Variants in PLEKHA7 observed in about 807,000 individuals in gnomAD.
PLEKHA7 encodes pleckstrin homology domain containing A7, also known as pleckstrin homology domain-containing family A member 7.
A neutral mutation model predicts 170.0 loss-of-function variants in PLEKHA7; 104 were observed. The ratio of observed to expected loss-of-function variants is 0.61; its 90% CI spans 0.52 to 0.72. The LOEUF (loss-of-function observed/expected upper bound fraction) is 0.72, where lower values mean the gene tolerates loss of function less well. Ranked by LOEUF, PLEKHA7 falls within the 30% of genes least tolerant of loss-of-function variation. The pLI, the probability that PLEKHA7 is intolerant of heterozygous loss-of-function variation, is 0.00. For synonymous variants in PLEKHA7, 648 were observed against 660.8 expected, an observed-to-expected ratio of 0.98 and a Z score of 0.30; for missense variants, 1,615 against 1,671.7, an observed-to-expected ratio of 0.97 and a Z score of 0.59.
intron 9 of PLEKHA7, among the ~76,000 whole-genome samples, chr11:16,832,358 T>G (rs1851185312): frequency 6.6e-6 from 1 of 152,212 alleles, no homozygotes; most frequent in Admixed American, 6.5e-5. Context: ...GGCCCCAGCA[T>G]TTCTAGCATA....
At chr11:16,807,141 T>G (rs189093276) in intron 13 of PLEKHA7, 1 of 982,612 alleles carries the variant, frequency 1.0e-6, no homozygotes, top group Admixed American at 6.1e-5. Flanking sequence ...CAGATCATCT[T>G]ACGCTTCTCC....
At chr11:16,963,244 A>C (rs191058729) in intron 3 of PLEKHA7, among the ~76,000 whole-genome samples, 64 of 152,284 alleles carry the variant, frequency 4.2e-4, no homozygotes, top group Non-Finnish European at 1.5e-4. Flanking sequence ...TATTTTCTAG[A>C]CTTCAGCATC....
intron 10 of PLEKHA7, among the ~76,000 whole-genome samples, chr11:16,818,562 T>A (rs1483790878): frequency 6.6e-6 from 1 of 152,240 alleles, no homozygotes; most frequent in Non-Finnish European, 1.5e-5. Flanking sequence ...TCACACTGCC[T>A]GTAACTTTTC....
At chr11:16,951,568 G>A (rs1861410331) in intron 3 of PLEKHA7, among the ~76,000 whole-genome samples, 1 of 152,160 alleles carries the variant, frequency 6.6e-6, no homozygotes, top group Non-Finnish European at 1.5e-5. Context: ...ACAAACCCAG[G>A]CAATCTCACT....
chr11:16,881,194 A>G (rs1397626347), intron 3 of PLEKHA7: 1 of 152,212 alleles, frequency 6.6e-6, no homozygotes, highest in Non-Finnish European at 1.5e-5. Context: ...ATGAATCAGA[A>G]TATACCACAG....
At chr11:16,860,971 C>A (rs1177436453) in intron 4 of PLEKHA7, among the ~76,000 whole-genome samples, 5 of 152,170 alleles carry the variant, frequency 3.3e-5, no homozygotes, top group African/African-American at 1.2e-4. Flanking sequence ...ACACTGAAAA[C>A]CATAAAGCAC....
intron 3 of PLEKHA7, among the ~76,000 whole-genome samples, chr11:16,914,860 C>T (rs997462822): frequency 5.3e-5 from 8 of 152,198 alleles, no homozygotes; most frequent in Non-Finnish European, 5.9e-5. Context: ...AGGGCTGGGA[C>T]TAAATGCTTG....
At chr11:16,895,823 AG>A (rs926626424) in intron 3 of PLEKHA7, among the ~76,000 whole-genome samples, 1 of 152,232 alleles carries the variant, frequency 6.6e-6, no homozygotes, top group African/African-American at 2.4e-5. Flanking sequence ...CTCACCTGAA[AG>A]GGGCAAAATC....
At chr11:16,944,336 A>G (rs535690611) in intron 3 of PLEKHA7, among the ~76,000 whole-genome samples, 1 of 150,568 alleles carries the variant, frequency 6.6e-6, no homozygotes, top group South Asian at 2.1e-4. Flanking sequence ...CCTAGGCAAC[A>G]AGAGCAAAAC....
intron 3 of PLEKHA7, among the ~76,000 whole-genome samples, chr11:16,931,759 C>T: frequency 6.9e-6 from 1 of 145,628 alleles, no homozygotes; most frequent in East Asian, 2.0e-4. Flanking sequence ...ATTCCATCCC[C>T]CCCCCCCCAA....
intron 3 of PLEKHA7, among the ~76,000 whole-genome samples, chr11:17,004,003 C>T (rs1333701241): frequency 6.6e-6 from 1 of 152,236 alleles, no homozygotes; most frequent in Non-Finnish European, 1.5e-5. Flanking sequence ...TCTCTCCGCA[C>T]TCCTCTGTCA....
Position 16,794,578 on chromosome 11 carries a change from C to A in PLEKHA7, c.2655G>T (p.Leu885=), listed in dbSNP as rs559966063. The change falls in exon 19 of 27, where the codon CTG becomes CTT. Residue 885 remains leucine, a synonymous_variant. Coordinates refer to ENST00000531066, the MANE Select transcript of PLEKHA7 (RefSeq NM_001329630.2). ...GAGGTCGGTACGGCACGTAGGTTTG[C>A]AGCTGGGGGAAGAGTCGAACCTCCA... is the stretch of plus-strand genomic sequence containing the variant. ...TPLEVRLFPQ[L]QTYVPYRPHP... 1.9e-6 allele frequency: 3 copies of A among 1,613,386 alleles called. No homozygotes were observed. Among genetic ancestry groups the A allele is most frequent in the Non-Finnish European group, 2.5e-6 (3 of 1,179,674 alleles).
chr11:16,807,044 G>T, intron 13 of PLEKHA7: 6 of 405,262 alleles, frequency 1.5e-5, no homozygotes, highest in Non-Finnish European at 2.0e-5. Context: ...GGAAGCCTGG[G>T]GCGGTCAGGA....
At chr11:16,905,756 G>GT (rs1417720415) in intron 3 of PLEKHA7, among the ~76,000 whole-genome samples, 1 of 152,230 alleles carries the variant, frequency 6.6e-6, no homozygotes, top group Non-Finnish European at 1.5e-5. Context: ...TGGAATGGGG[G>GT]TAATGGATTA....
At chr11:16,782,942 A>G (rs1218006991) in intron 25 of PLEKHA7, 46 bp from the exon 26 acceptor site, 3 of 1,524,720 alleles carry the variant, frequency 2.0e-6, no homozygotes, top group Admixed American at 2.0e-5. Flanking sequence ...TGCCCTGGGT[A>G]GCAGCCTCAG....
chr11:16,948,890 A>G (rs754360609), intron 3 of PLEKHA7, among the ~76,000 whole-genome samples: 1 of 152,160 alleles, frequency 6.6e-6, no homozygotes, highest in Admixed American at 6.5e-5. Context: ...TGTGGGTTTC[A>G]GGTCTATAGA....
intron 13 of PLEKHA7, among the ~76,000 whole-genome samples, chr11:16,804,893 G>GC (rs1401281728): frequency 1.3e-5 from 2 of 152,090 alleles, no homozygotes; most frequent in Non-Finnish European, 2.9e-5. Flanking sequence ...GCAATGCGGG[G>GC]GGGGCGGTGC....
Position 17,014,332 on chromosome 11 carries a change from G to C in PLEKHA7, c.70C>G (p.Arg24Gly). 6.9e-7 allele frequency: 1 copy of C among 1,448,322 alleles called. No individual in the cohort carries two copies. The highest frequency in any genetic ancestry group is 3.1e-5 in the East Asian group (1 of 32,040). The allele number at this position is 1,448,322 out of a possible 1,614,324, so 89.7% of individuals were successfully genotyped here. Residue 24 changes from arginine to glycine, a missense_variant, in exon 1 of 27, where the codon CGC (arginine) becomes GGC (glycine). Transcript: ENST00000531066. Reference protein sequence around the residue: ...HWSYGVCRDGRVFFINDQLRC... With the variant: ...HWSYGVCRDGGVFFINDQLRC... ...GCGCCGCACTTGATGAAGAAGACGCGGCCATCCCGGCACACCCCGTAGGAC... is the reference window on the plus strand; with the variant it reads ...GCGCCGCACTTGATGAAGAAGACGCCGCCATCCCGGCACACCCCGTAGGAC...
chr11:16,973,908 G>C (rs1443463281), intron 3 of PLEKHA7, among the ~76,000 whole-genome samples: 1 of 152,174 alleles, frequency 6.6e-6, no homozygotes, highest in African/African-American at 2.4e-5. Context: ...GTCCTGGACA[G>C]TCTTGGACAC....
Sources: gnomAD v4.1 joint callset for allele counts (sites outside exome capture counted in the v4.1 genomes callset) on GRCh38, gnomAD v4.1.1 for gene constraint, MANE v1.5 for transcripts, NCBI Gene and HGNC (gene_info 2026-07-23, HGNC 2026-07-21) for gene names.